The following TBL1X variants were observed in gnomAD, a reference collection of about 807,000 sequenced individuals.
TBL1X encodes F-box-like/WD repeat-containing protein TBL1X.
A neutral mutation model predicts 50.7 loss-of-function variants in TBL1X; 10 were observed. That is an observed-to-expected ratio of 0.20 (90% CI 0.12 to 0.33). The LOEUF is 0.33. TBL1X is among the 10% of genes least tolerant of loss of function. The pLI is 1.00. For synonymous variants in TBL1X, 190 were observed against 214.7 expected (o/e 0.88, Z 1.01); for missense variants, 340 against 504.4 (o/e 0.67, Z 3.12).
rs758615906 is a variant in TBL1X at position 9,537,139 on chromosome X, C to T, written c.-131+35290C>T. On this transcript the variant is annotated intron_variant, in intron 2 of 17. Coordinates refer to ENST00000645353, the MANE Select transcript of TBL1X (RefSeq NM_005647.4). The stretch of plus-strand genomic sequence containing the variant: ...TTACTGTGAGCAAAGCACAATGCAT[C>T]GGGCAGGGAGGGATCCAAAGGGATC... Among the ~76,000 whole-genome samples, 3 of 111,413 alleles carry T rather than the reference C, an allele frequency of 2.7e-5. No homozygotes were observed. The East Asian group carries it at 8.4e-4, about 31-fold the overall frequency.
chrX:9,674,216 G>A (rs1480608704), intron 5 of TBL1X, among the ~76,000 whole-genome samples: 1 of 111,999 alleles, frequency 8.9e-6, no homozygotes, highest in Non-Finnish European at 1.9e-5. Context: ...GTTGCAATGA[G>A]CAGCGCAGCA....
intron 5 of TBL1X, 75 bp downstream of exon 5, chrX:9,654,397 C>A: frequency 2.0e-6 from 2 of 1,005,505 alleles, no homozygotes; most frequent in Non-Finnish European, 2.7e-6. Context: ...ACGCTTAATT[C>A]AAAACCAGGC....
chrX:9,671,337 G>C, intron 5 of TBL1X, among the ~76,000 whole-genome samples: 1 of 112,968 alleles, frequency 8.9e-6, no homozygotes, highest in Non-Finnish European at 1.9e-5. Flanking sequence ...GTGCGGGAGA[G>C]TGGCCAGCCA....
At chrX:9,535,856 A>C (rs925518448) in intron 2 of TBL1X, among the ~76,000 whole-genome samples, 5 of 112,170 alleles carry the variant, frequency 4.5e-5, no homozygotes, top group Non-Finnish European at 9.4e-5. Context: ...CAAATCCTTC[A>C]ATAGATAGTG....
intron 2 of TBL1X, among the ~76,000 whole-genome samples, chrX:9,558,770 A>G (rs2082312111): frequency 2.7e-5 from 3 of 110,961 alleles, no homozygotes; most frequent in Admixed American, 9.6e-5. Flanking sequence ...TCCCCAGGAG[A>G]CCAGCAGCCC....
intron 2 of TBL1X, among the ~76,000 whole-genome samples, chrX:9,607,313 T>G (rs1331933165): frequency 8.8e-6 from 1 of 113,143 alleles, no homozygotes; most frequent in Non-Finnish European, 1.9e-5. Context: ...TCCTAAGATT[T>G]TAGAATTGGG....
At chrX:9,478,182 C>T (rs997293411) in intron 1 of TBL1X, among the ~76,000 whole-genome samples, 5 of 111,255 alleles carry the variant, frequency 4.5e-5, no homozygotes, top group African/African-American at 1.6e-4. Flanking sequence ...TCATTGTTTG[C>T]GTGTTAACAG....
chrX:9,650,502 C>A (rs2082827738), intron 3 of TBL1X, among the ~76,000 whole-genome samples: 1 of 111,994 alleles, frequency 8.9e-6, no homozygotes, highest in African/African-American at 3.2e-5. Context: ...AGATGCCCTC[C>A]AAGATTGGTC....
At chrX:9,535,468 G>C (rs755933042) in intron 2 of TBL1X, among the ~76,000 whole-genome samples, 6 of 112,103 alleles carry the variant, frequency 5.4e-5, no homozygotes, top group African/African-American at 1.3e-4. Flanking sequence ...GGGCACACTG[G>C]CCTGAGGTCT....
chrX:9,517,530 C>T (rs145182354), intron 2 of TBL1X, among the ~76,000 whole-genome samples: 6 of 111,885 alleles, frequency 5.4e-5, no homozygotes, highest in African/African-American at 1.6e-4. Flanking sequence ...AGACTCTTTC[C>T]GTTTTATAAC....
chrX:9,713,968 T>A (rs746041863), intron 16 of TBL1X, among the ~76,000 whole-genome samples: 1 of 110,820 alleles, frequency 9.0e-6, no homozygotes, highest in South Asian at 4.0e-4. Flanking sequence ...ACTCTTTCTC[T>A]CTTTTTTATT....
intron 7 of TBL1X, among the ~76,000 whole-genome samples, chrX:9,688,657 C>A (rs761565706): frequency 8.9e-5 from 10 of 112,934 alleles, no homozygotes; most frequent in Non-Finnish European, 1.7e-4. Flanking sequence ...GCTTGCAGTT[C>A]CTGCCAAGGG....
At chrX:9,667,969 A>G (rs1483841695) in intron 5 of TBL1X, among the ~76,000 whole-genome samples, 1 of 112,104 alleles carries the variant, frequency 8.9e-6, no homozygotes, top group Non-Finnish European at 1.9e-5. Context: ...AGGACACCTA[A>G]AGTCCAAAAG....
chrX:9,629,868 G>C (rs942843001), intron 2 of TBL1X, among the ~76,000 whole-genome samples: 7 of 110,750 alleles, frequency 6.3e-5, no homozygotes, highest in Non-Finnish European at 1.1e-4. Flanking sequence ...GCTGATCGCC[G>C]GTTGTATGGG....
intron 2 of TBL1X, among the ~76,000 whole-genome samples, chrX:9,590,465 C>T (rs1380481331): frequency 4.5e-5 from 5 of 110,921 alleles, no homozygotes; most frequent in South Asian, 7.6e-4. Flanking sequence ...TGGTTGGTGT[C>T]GCCATAAGTT....
chrX:9,704,368 G>A (rs754360833), intron 12 of TBL1X, among the ~76,000 whole-genome samples: 7 of 111,768 alleles, frequency 6.3e-5, no homozygotes, highest in South Asian at 3.7e-4. Context: ...CAGAGATGCC[G>A]CTGGAAGCAG....
At chrX:9,528,237 T>G (rs991078533) in intron 2 of TBL1X, among the ~76,000 whole-genome samples, 1 of 111,890 alleles carries the variant, frequency 8.9e-6, no homozygotes, top group Non-Finnish European at 1.9e-5. Flanking sequence ...AGTGGAGTCA[T>G]GCTCTGTTTG....
At chrX:9,701,698 C>T (rs969328386) in intron 12 of TBL1X, among the ~76,000 whole-genome samples, 1 of 110,325 alleles carries the variant, frequency 9.1e-6, no homozygotes, top group African/African-American at 3.3e-5. Context: ...AACCAGCTTG[C>T]TTTAGATGGA....
At chrX:9,497,303 G>A (rs1253108367) in intron 1 of TBL1X, among the ~76,000 whole-genome samples, 2 of 107,068 alleles carry the variant, frequency 1.9e-5, no homozygotes, top group Non-Finnish European at 3.8e-5. Flanking sequence ...CAGCTACTAG[G>A]GAGGCTGAGG....
Sources: gnomAD v4.1 joint callset for allele counts (sites outside exome capture counted in the v4.1 genomes callset) on GRCh38, gnomAD v4.1.1 for gene constraint, MANE v1.5 for transcripts, NCBI Gene and HGNC (gene_info 2026-07-23, HGNC 2026-07-21) for gene names.